Variants in TBL3 observed in about 807,000 individuals in gnomAD.
The protein encoded by TBL3 is transducin beta-like protein 3.
In TBL3, 71 loss-of-function variants were observed where a neutral mutation model predicts 102.7. The ratio of observed to expected loss-of-function variants is 0.69; its 90% confidence interval spans 0.57 to 0.84. The LOEUF (loss-of-function observed/expected upper bound fraction) is 0.84, where lower values mean the gene tolerates loss of function less well. Ranked by LOEUF, TBL3 falls within the 40% of genes least tolerant of loss-of-function variation. TBL3 has a pLI of 0.00. For synonymous variants in TBL3, 578 were observed against 477.7 expected (o/e 1.21, Z -2.74); for missense variants, 1,188 against 1,098.5 (o/e 1.08, Z -1.15).
chr16:1,974,514 C>T, intron 4 of TBL3, 24 bp from the exon 5 acceptor site: 2 of 1,591,542 alleles, frequency 1.3e-6, no homozygotes, highest in Non-Finnish European at 1.7e-6. Flanking sequence ...TGCTGCCCCT[C>T]TGCTGACCTG....
chr16:1,972,093 G>A lies in TBL3; in HGVS notation c.-72G>A. 6.9e-7 allele frequency: 1 copy of A among 1,447,738 alleles called. No homozygotes were observed. 89.7% of individuals were successfully genotyped at this position (1,447,738 alleles called of 1,614,324 possible). A position where few individuals can be genotyped will look rare whatever the true frequency, so the allele number is the denominator to read the frequency against. On this transcript the variant is annotated 5_prime_UTR_variant, in exon 1 of 22. Coordinates refer to ENST00000568546, the MANE Select transcript of TBL3 (RefSeq NM_006453.3). Reference sequence around the variant, plus strand: ...TGTGGCGTTCTGTGAAGAGTTCGGTGCTAACCTCCCTCACGCGGCGGTGGC... The same window carrying A: ...TGTGGCGTTCTGTGAAGAGTTCGGTACTAACCTCCCTCACGCGGCGGTGGC...
Position 1,978,963 on chromosome 16 carries a change from C to A in TBL3, c.*278C>A. On this transcript the variant is annotated 3_prime_UTR_variant, in exon 22 of 22. Coordinates refer to ENST00000568546, the MANE Select transcript of TBL3 (RefSeq NM_006453.3). The stretch of plus-strand genomic sequence containing the variant: ...CAGAGGAACAGCAAATGGCCCCCTC[C>A]CATCCCTGCTGGCCAGGGAGATCCG... The A allele has an allele frequency of 7.7e-7, 1 of 1,305,236 alleles. No homozygotes were observed. The highest frequency in any genetic ancestry group is 1.0e-6 in the Non-Finnish European group (1 of 961,860). 80.9% of individuals were successfully genotyped at this position (1,305,236 alleles called of 1,614,324 possible). A position where few individuals can be genotyped will look rare whatever the true frequency, so the allele number is the denominator to read the frequency against.
Position 1,977,747 on chromosome 16 carries a change from G to T in TBL3, c.1905G>T (p.Val635=). The change falls in exon 18 of 22, where the codon GTG becomes GTT. Residue 635 remains valine, a synonymous_variant. Coordinates refer to ENST00000568546, the MANE Select transcript of TBL3 (RefSeq NM_006453.3). The part of the protein sequence containing the change: ...SDSRVILWKD[V]TEAEQAEEQA... ...TGACCCTAGTCTAACCCCAGGATGT[G>T]ACCGAGGCGGAGCAGGCAGAGGAGC... is the stretch of plus-strand genomic sequence containing the variant. The T allele has an allele frequency of 6.4e-7, 1 of 1,554,156 alleles. No individual in the cohort carries two copies.
intron 1 of TBL3, 146 bp downstream of exon 1, chr16:1,972,351 G>A: frequency 1.1e-6 from 1 of 939,324 alleles, no homozygotes; most frequent in Non-Finnish European, 1.4e-6. Context: ...GGAGGCTGCG[G>A]TGATACTAGG....
At chr16:1,973,065 G>T (rs1017699239) in intron 1 of TBL3, among the ~76,000 whole-genome samples, 2 of 152,184 alleles carry the variant, frequency 1.3e-5, no homozygotes, top group Admixed American at 6.5e-5. Context: ...TCTGGGAGGT[G>T]TGTGGGCAGA....
In TBL3 at chr16:1,975,203, A is replaced by C; in HGVS notation, c.652A>C (p.Ile218Leu). 6.2e-7 allele frequency: 1 copy of C among 1,613,776 alleles called. No homozygotes were observed. Among genetic ancestry groups the C allele is most frequent in the Non-Finnish European group, 8.5e-7 (1 of 1,180,008 alleles). The stretch of plus-strand genomic sequence containing the variant: ...CTCCTTCAGCTCCGGCCGTGACAAG[A>C]TATGTATCATCTGGGACCTTCAGAG... ...HTMLSSGRDK[I>L]CIIWDLQSCQ... The change falls in exon 8 of 22, where the codon ATA (isoleucine) becomes CTA (leucine). Residue 218 changes from isoleucine (I) to leucine (L), a missense_variant. Physicochemically the swap from Ile to Leu is conservative, Grantham distance 5. Coordinates refer to ENST00000568546, the MANE Select transcript of TBL3 (RefSeq NM_006453.3).
chr16:1,974,406 C>T lies in TBL3; in HGVS notation c.220C>T (p.Leu74Phe). 1.2e-6 allele frequency: 2 copies of T among 1,610,742 alleles called. No homozygotes were observed. Among genetic ancestry groups the T allele is most frequent in the Non-Finnish European group, 1.7e-6 (2 of 1,178,330 alleles). The change falls in exon 4 of 22, where the codon CTC becomes TTC. Residue 74 changes from leucine to phenylalanine, a missense_variant. Transcript: ENST00000568546. ...CCAGGAGGACATCACTGCCTTTGAC[C>T]TCAGCCCTGACAACGAGGTATGTGG... is the stretch of plus-strand genomic sequence containing the variant. ...EDQEDITAFD[L>F]SPDNEVLVTA... is the part of the protein sequence containing the mutation.
Position 1,981,123 on chromosome 16 carries a change from C to G in TBL3, c.*2438C>G. 6.2e-7 allele frequency: 1 copy of G among 1,613,506 alleles called. No individual in the cohort carries two copies. Among genetic ancestry groups the G allele is most frequent in the Non-Finnish European group, 8.5e-7 (1 of 1,179,980 alleles). ...CCCAGCCAGGTCTTACTTGGAGCCTCTTGATCTGCACCAGGGCTGCCCCTT... is the reference window on the plus strand; with the variant it reads ...CCCAGCCAGGTCTTACTTGGAGCCTGTTGATCTGCACCAGGGCTGCCCCTT... On this transcript the variant is annotated 3_prime_UTR_variant, in exon 22 of 22. Transcript: ENST00000568546.
chr16:1,979,409 G>A lies in TBL3; in HGVS notation c.*724G>A. On this transcript the variant is annotated 3_prime_UTR_variant, in exon 22 of 22. Transcript: ENST00000568546. ...GCCTCGGCTAGCCTGCCCTGCCCAC[G>A]CCCGCTCCCGCGTACCTGCATAGCC... 1.9e-6 allele frequency: 3 copies of A among 1,603,098 alleles called. No homozygotes were observed. Among genetic ancestry groups the A allele is most frequent in the Non-Finnish European group, 2.5e-6 (3 of 1,177,546 alleles).
At position 1,978,938 on chromosome 16, in the gene TBL3, C is replaced by G. The variant is rs2083432734; in HGVS notation, c.*253C>G. ...GGGGTCATGCAGAACAAGCTTTACTCAGAGGAACAGCAAATGGCCCCCTCC... is the reference window on the plus strand; with the variant it reads ...GGGGTCATGCAGAACAAGCTTTACTGAGAGGAACAGCAAATGGCCCCCTCC... On this transcript the variant is annotated 3_prime_UTR_variant, in exon 22 of 22. Coordinates refer to ENST00000568546, the MANE Select transcript of TBL3 (RefSeq NM_006453.3). 8.5e-7 allele frequency: 1 copy of G among 1,181,758 alleles called. No individual in the cohort carries two copies. Among genetic ancestry groups the G allele is most frequent in the East Asian group, 2.6e-5 (1 of 38,600 alleles). The allele number at this position is 1,181,758 out of a possible 1,614,324, so 73.2% of individuals were successfully genotyped here. A position where few individuals can be genotyped will look rare whatever the true frequency, so the allele number is the denominator to read the frequency against.
In TBL3 at chr16:1,979,156, G is replaced by T; in HGVS notation, c.*471G>T. The T allele has an allele frequency of 6.8e-7, 1 of 1,460,240 alleles. No homozygotes were observed. The highest frequency in any genetic ancestry group is 9.0e-7 in the Non-Finnish European group (1 of 1,116,474). The allele number at this position is 1,460,240 out of a possible 1,614,324, so 90.5% of individuals were successfully genotyped here. ...GCCCTGCGTGTGACGGTGCAGCAGC[G>T]GCTCTGGATGGCGCCCGGCGAAGGT... On this transcript the variant is annotated 3_prime_UTR_variant, in exon 22 of 22. Transcript: ENST00000568546.
rs776203397 is a variant in TBL3 at position 1,979,265 on chromosome 16, A to G, written c.*580A>G. ...CCTCACCCGCCGGGTCGTCTCCTCC[A>G]CGGAACCCCGTCCCGCTCAGGAGAG... is the stretch of plus-strand genomic sequence containing the variant. On this transcript the variant is annotated 3_prime_UTR_variant, in exon 22 of 22. Coordinates refer to ENST00000568546, the MANE Select transcript of TBL3 (RefSeq NM_006453.3). The G allele has an allele frequency of 1.9e-6, 3 of 1,539,498 alleles. No individual in the cohort carries two copies. In the Admixed American group the frequency reaches 5.8e-5, roughly 30 times the overall value.
chr16:1,972,817 G>C (rs1212929304), intron 1 of TBL3, among the ~76,000 whole-genome samples: 2 of 152,230 alleles, frequency 1.3e-5, no homozygotes, highest in Non-Finnish European at 2.9e-5. Context: ...GCACCGTCGT[G>C]GGAGGGTCAA....
At position 1,974,206 on chromosome 16, in the gene TBL3, A is replaced by C; in HGVS notation, c.103A>C (p.Thr35Pro). 2 of 1,593,980 alleles carry C rather than the reference A, an allele frequency of 1.3e-6. No homozygotes were observed. Among genetic ancestry groups the C allele is most frequent in the Non-Finnish European group, 1.7e-6 (2 of 1,168,404 alleles). The change falls in exon 3 of 22, where the codon ACT (threonine) becomes CCT (proline). Residue 35 changes from threonine to proline, a missense_variant. Transcript: ENST00000568546. ...YKGGKAQLDQTGQHLFCVCGT... is the reference protein window; with the variant it reads ...YKGGKAQLDQPGQHLFCVCGT... ...ACCTCTCTGTCCCCAGCTGGACCAG[A>C]CTGGCCAGCACCTCTTCTGCGTCTG...
At position 1,975,444 on chromosome 16, in the gene TBL3, T is replaced by A; in HGVS notation, c.805+6T>A. The A allele has an allele frequency of 6.2e-7, 1 of 1,613,338 alleles. No individual in the cohort carries two copies. Among genetic ancestry groups the A allele is most frequent in the Non-Finnish European group, 8.5e-7 (1 of 1,179,808 alleles). On this transcript the variant is annotated splice_donor_region_variant and intron_variant, in intron 9 of 21. Transcript: ENST00000568546. ...TCTGACAGCTGGCGACCAAGGTGTG[T>A]TGGGCCGGGACATGGGCAGGCGGTA...
rs759855303 is a variant in TBL3, at chr16:1,978,304, TG to T, written c.2135-8del. ...CTGGGCAAGACGATGAGGGTCCTGT[TG>T]CCCACAGAGGCCCTGCTGCGCTTCT... On this transcript the variant is annotated splice_polypyrimidine_tract_variant and splice_region_variant and intron_variant, in intron 20 of 21. Coordinates refer to ENST00000568546, the MANE Select transcript of TBL3 (RefSeq NM_006453.3). 1 of 1,610,058 alleles carries T rather than the reference TG, an allele frequency of 6.2e-7. No individual in the cohort carries two copies. Among genetic ancestry groups the T allele is most frequent in the Non-Finnish European group, 8.5e-7 (1 of 1,178,184 alleles).
chr16:1,976,135 G>A (rs1455070438), intron 12 of TBL3, 21 bp downstream of exon 12: 1 of 1,613,924 alleles, frequency 6.2e-7, no homozygotes, highest in African/African-American at 1.3e-5. Flanking sequence ...CTGAGAGGTA[G>A]GGGCAGGGGC....
intron 18 of TBL3, 33 bp downstream of exon 18, chr16:1,977,833 T>A: frequency 6.4e-7 from 1 of 1,563,538 alleles, no homozygotes. Flanking sequence ...CCTCCCCGCA[T>A]CAGCCCTGCT....
chr16:1,974,346 C>G (rs767795388), intron 3 of TBL3, 30 bp from the exon 4 acceptor site: 2 of 1,596,994 alleles, frequency 1.3e-6, no homozygotes, highest in Non-Finnish European at 1.7e-6. Context: ...CCCACTCACA[C>G]CGTGCTCGGC....
Sources: allele counts gnomAD v4.1 joint callset (sites outside exome capture counted in the v4.1 genomes callset), GRCh38; gene constraint gnomAD v4.1.1; transcripts MANE v1.5; gene names NCBI Gene and HGNC (gene_info 2026-07-23, HGNC 2026-07-21).